Variants in MYL3 observed in about 807,000 individuals in gnomAD.
MYL3 encodes the protein myosin light chain 3.
In MYL3, 11 loss-of-function variants were observed where a neutral mutation model predicts 21.3. That is an observed-to-expected ratio of 0.52 (90% CI 0.32 to 0.85). The LOEUF is 0.85. Among genes scored for constraint, MYL3 ranks in the 40% least tolerant of loss-of-function variants. The pLI, the probability that MYL3 is intolerant of heterozygous loss-of-function variation, is 0.03. For missense variants in MYL3, 206 were observed against 253.3 expected (o/e 0.81, Z 1.27); for synonymous variants, 88 against 91.6 (o/e 0.96, Z 0.22).
At chr3:46,876,512 A>C (rs1266256446) in intron 1 of MYL3, among the ~76,000 whole-genome samples, 1 of 152,148 alleles carries the variant, frequency 6.6e-6, no homozygotes, top group East Asian at 1.9e-4. Flanking sequence ...TAGTTTCACT[A>C]TGTCCCCTGG....
intron 1 of MYL3, among the ~76,000 whole-genome samples, chr3:46,878,454 G>A (rs2030363942): frequency 6.6e-6 from 1 of 152,212 alleles, no homozygotes; most frequent in African/African-American, 2.4e-5. Context: ...AACTCAGCCT[G>A]AGGCTGGGGC....
chr3:46,880,538 G>A lies in MYL3; in HGVS notation c.-218+1536C>T, dbSNP rs187559735. 3.3e-5 allele frequency among the ~76,000 whole-genome samples: 5 copies of A among 152,244 alleles called. No homozygotes were observed. In the East Asian group the frequency reaches 9.7e-4, roughly 29 times the overall value. On this transcript the variant is annotated intron_variant, in intron 1 of 3. Coordinates refer to the MYL3 transcript ENST00000431168. ...GTGGATCACTTGAGGTCAGGGGTTC[G>A]TGACCAGCCTGGTCAACATGGTGAA...
chr3:46,865,053 C>T (rs1236743310), upstream of MYL3, among the ~76,000 whole-genome samples: 1 of 152,178 alleles, frequency 6.6e-6, no homozygotes, highest in Non-Finnish European at 1.5e-5. The surrounding 1 kb of genome is among the most constrained non-coding windows in gnomAD (Gnocchi z 4.3). Context: ...TGGCAAGGGG[C>T]TAAGCCTGAG....
chr3:46,867,531 G>A (rs1000646214), upstream of MYL3, among the ~76,000 whole-genome samples: 1 of 152,262 alleles, frequency 6.6e-6, no homozygotes, highest in African/African-American at 2.4e-5. Context: ...CGTGGAGGGT[G>A]GGCAGAAGGA....
At chr3:46,878,488 C>G (rs908878998) in intron 1 of MYL3, among the ~76,000 whole-genome samples, 7 of 152,206 alleles carry the variant, frequency 4.6e-5, no homozygotes, top group African/African-American at 1.7e-4. Context: ...AGAGCTCAGT[C>G]TGGGATCAGG....
At chr3:46,866,254 G>T, upstream of MYL3, 1 of 152,612 alleles carries the variant, frequency 6.6e-6, no homozygotes. Flanking sequence ...GCAGGGCCTC[G>T]GGGGCCTGGA....
chr3:46,870,146 G>GACACGTACGCATGCAC (rs1386362704), intron 1 of MYL3, among the ~76,000 whole-genome samples: 1 of 152,234 alleles, frequency 6.6e-6, no homozygotes, highest in Non-Finnish European at 1.5e-5. Context: ...GGAGCCTGCA[G>GACACGTACGCATGCAC]ACACGTACGC....
intron 1 of MYL3, among the ~76,000 whole-genome samples, chr3:46,876,190 G>A (rs570069134): frequency 2.6e-5 from 4 of 152,254 alleles, no homozygotes; most frequent in African/African-American, 7.2e-5. Context: ...GCAGGAAGGC[G>A]TCTGGCTCAG....
chr3:46,864,021 G>A (rs1030592887), upstream of MYL3, among the ~76,000 whole-genome samples: 1 of 151,626 alleles, frequency 6.6e-6, no homozygotes, highest in South Asian at 2.1e-4. This position sits in a 1 kb window ranked among gnomAD's most constrained non-coding sequence, Gnocchi z 4.7. Context: ...TGTGGAGGGG[G>A]GTCTGTGTAC....
rs544555595 is a variant in MYL3 at position 46,859,280 on chromosome 3, C to A, written c.481+195G>T. ...CTCTGTCCCCAGAGCTGATGTCATC[C>A]CCCTTCTGTGAGCTGCACCAGCATG... is the stretch of plus-strand genomic sequence containing the variant. On this transcript the variant is annotated intron_variant, in intron 4 of 6. Transcript: ENST00000292327. The surrounding 1 kb of genome is among the most constrained non-coding windows in gnomAD (Gnocchi z 4.1). 4.6e-5 allele frequency among the ~76,000 whole-genome samples: 7 copies of A among 152,304 alleles called. No homozygotes were observed. The South Asian group carries it at 1.5e-3, about 32-fold the overall frequency.
chr3:46,867,726 G>A (rs1702060969), upstream of MYL3, among the ~76,000 whole-genome samples: 2 of 152,228 alleles, frequency 1.3e-5, no homozygotes, highest in Admixed American at 1.3e-4. Context: ...CTTCCCGGAG[G>A]AGTCGAGAAC....
At position 46,874,705 on chromosome 3, in the gene MYL3, GA is replaced by G. The variant is rs1375264618; in HGVS notation, c.-218+7368del. 6.6e-6 allele frequency among the ~76,000 whole-genome samples: 1 copy of G among 152,176 alleles called. No homozygotes were observed. The highest frequency in any genetic ancestry group is 1.5e-5 in the Non-Finnish European group (1 of 68,036). On this transcript the variant is annotated intron_variant, in intron 1 of 3. Coordinates refer to the MYL3 transcript ENST00000431168. The surrounding 1 kb of genome is among the most constrained non-coding windows in gnomAD (Gnocchi z 4.1). ...GGAAACACGTGTCAAACACGCCTGGGAGGGGGTATTCCGAGGCACAGACCCC... is the reference window on the plus strand; with the variant it reads ...GGAAACACGTGTCAAACACGCCTGGGGGGGGTATTCCGAGGCACAGACCCC...
intron 1 of MYL3, among the ~76,000 whole-genome samples, chr3:46,880,570 T>C (rs2030488216): frequency 6.6e-6 from 1 of 152,034 alleles, no homozygotes; most frequent in Non-Finnish European, 1.5e-5. Context: ...TGAAACCCCG[T>C]CTCTACCAAG....
In MYL3 at chr3:46,859,479, C is replaced by A. The variant is rs148365503; in HGVS notation, c.477G>T (p.Thr159=). Residue 159 remains threonine (T), a synonymous_variant, in exon 4 of 7, where the codon ACG becomes ACT. Transcript: ENST00000292327. This position sits in a 1 kb window ranked among gnomAD's most constrained non-coding sequence, Gnocchi z 4.1. ...AGGGGAGGAGGCTGCCCTCACCCAG[C>A]GTGGCCAGCACGTGGCGAAGCTCAG... ...MGAELRHVLA[T]LGERLTEDEV... 26 of 1,614,158 alleles carry A rather than the reference C, an allele frequency of 1.6e-5. No individual in the cohort carries two copies. In the Admixed American group the frequency reaches 2.3e-4, roughly 14 times the overall value.
Position 46,863,399 on chromosome 3 carries a change from G to GT in MYL3, c.-10dup. 1 of 1,612,950 alleles carries GT rather than the reference G, an allele frequency of 6.2e-7. No homozygotes were observed. The highest frequency in any genetic ancestry group is 8.5e-7 in the Non-Finnish European group (1 of 1,179,912). Reference sequence around the variant, plus strand: ...GGCTTTTTGGGGGCCATTGGGGGCTGTAAGTACAGAGAGGGATGTGGAGAG... The same window carrying GT: ...GGCTTTTTGGGGGCCATTGGGGGCTGTTAAGTACAGAGAGGGATGTGGAGAG... On this transcript the variant is annotated 5_prime_UTR_variant, in exon 1 of 7. Coordinates refer to ENST00000292327, the MANE Select transcript of MYL3 (RefSeq NM_000258.3).
intron 1 of MYL3, among the ~76,000 whole-genome samples, chr3:46,873,879 G>A (rs1049911306): frequency 3.3e-5 from 5 of 152,232 alleles, no homozygotes; most frequent in African/African-American, 7.2e-5. Context: ...TTTGGGCAGA[G>A]GCCTGACCTC....
At chr3:46,858,307 A>C in intron 5 of MYL3, 35 bp from the exon 6 acceptor site, 1 of 1,614,124 alleles carries the variant, frequency 6.2e-7, no homozygotes, top group Non-Finnish European at 8.5e-7. Flanking sequence ...GCAGGAGTGC[A>C]ACATGGGGAA....
In MYL3 at chr3:46,861,242, G is replaced by A. The variant is rs1280770018; in HGVS notation, c.130-255C>T. ...TGATGCTCGGTGGACCCTGGCAGGG[G>A]TAGCAGTGAGGAGGGAGGCCACATG... On this transcript the variant is annotated intron_variant, in intron 1 of 6. Coordinates refer to ENST00000292327, the MANE Select transcript of MYL3 (RefSeq NM_000258.3). The surrounding 1 kb of genome is among the most constrained non-coding windows in gnomAD (Gnocchi z 4.2). 6.6e-6 allele frequency among the ~76,000 whole-genome samples: 1 copy of A among 152,178 alleles called. No homozygotes were observed. Among genetic ancestry groups the A allele is most frequent in the Admixed American group, 6.5e-5 (1 of 15,282 alleles).
In MYL3 at chr3:46,858,413, T is replaced by C. The variant is rs193922391; in HGVS notation, c.530A>G (p.Glu177Gly). The change falls in exon 5 of 7, where the codon GAG (glutamate) becomes GGG (glycine). Residue 177 changes from glutamate to glycine, a missense_variant. Glu to Gly is a moderately conservative substitution (Grantham distance 98). Transcript: ENST00000292327. Reference sequence around the variant, plus strand: ...ATAGTTGATGCAGCCATTGGAGTCCTCTTGCCCAGCCATCAACTTCTCCAC... The same window carrying C: ...ATAGTTGATGCAGCCATTGGAGTCCCCTTGCCCAGCCATCAACTTCTCCAC... ...DEVEKLMAGQ[E>G]DSNGCINYEA... 3.7e-5 allele frequency: 59 copies of C among 1,613,896 alleles called. No homozygotes were observed. The highest frequency in any genetic ancestry group is 1.6e-4 in the Middle Eastern group (1 of 6,084).
Sources: gnomAD v4.1 joint callset for allele counts (sites outside exome capture counted in the v4.1 genomes callset) on GRCh38, gnomAD v4.1.1 for gene constraint, Gnocchi (gnomAD v3.1) non-coding constraint, MANE v1.5 for transcripts, NCBI Gene and HGNC (gene_info 2026-07-23, HGNC 2026-07-21) for gene names.